The following RASSF2 variants were observed in gnomAD, a reference collection of about 807,000 sequenced individuals.
RASSF2 encodes Ras association domain family member 2.
RASSF2 carries 34 observed loss-of-function variants against 46.3 expected under a neutral mutation model. The observed-to-expected ratio is 0.73, with a 90% CI of 0.56 to 0.98. The LOEUF (loss-of-function observed/expected upper bound fraction) is 0.98. Among genes scored for constraint, RASSF2 ranks in the 50% least tolerant of loss-of-function variants. The pLI is 0.00. For missense variants in RASSF2, 364 were observed against 431.2 expected (o/e 0.84, Z 1.38); for synonymous variants, 158 against 162.5 (o/e 0.97, Z 0.21).
At chr20:4,815,015 G>A (rs949335954) in intron 2 of RASSF2, 1 of 152,242 alleles carries the variant, frequency 6.6e-6, no homozygotes, top group Non-Finnish European at 1.5e-5. Flanking sequence ...CACTGGGCAG[G>A]GCCAGGTGAA....
Position 4,788,203 on chromosome 20 carries a change from G to A in RASSF2, c.691+14C>T, listed in dbSNP as rs563520901. ...ATTAGAAGTTTTAAAGTACACTGTG[G>A]TCTTCAGACTTACCACCACTCGTAT... On this transcript the variant is annotated intron_variant, in intron 9 of 11. Transcript: ENST00000379400. 2 of 1,569,650 alleles carry A rather than the reference G, an allele frequency of 1.3e-6. No homozygotes were observed. The highest frequency in any genetic ancestry group is 2.7e-5 in the African/African-American group (2 of 74,014).
At position 4,780,821 on chromosome 20, in the gene RASSF2, T is replaced by C. The variant is rs1338318100; in HGVS notation, c.*3452A>G. Reference sequence around the variant, plus strand: ...CTCTACTAAAACCACACAAAAAAATTAGCCGGGCGTGGTGGCGGGTCCCTG... The same window carrying C: ...CTCTACTAAAACCACACAAAAAAATCAGCCGGGCGTGGTGGCGGGTCCCTG... On this transcript the variant is annotated 3_prime_UTR_variant, in exon 12 of 12. Transcript: ENST00000379400. 1 of 152,024 alleles carries C rather than the reference T, an allele frequency of 6.6e-6. No individual in the cohort carries two copies. The highest frequency in any genetic ancestry group is 2.1e-4 in the South Asian group (1 of 4,814). The allele number at this position is 152,024 out of a possible 1,614,324, so 9.4% of individuals were successfully genotyped here.
chr20:4,798,282 A>G (rs749636423), intron 3 of RASSF2, among the ~76,000 whole-genome samples, 197 bp from the exon 4 acceptor site: 3 of 152,150 alleles, frequency 2.0e-5, no homozygotes, highest in Non-Finnish European at 4.4e-5. Context: ...CCCCAGGATC[A>G]AAGTCAAGAG....
chr20:4,785,242 G>A (rs1925220069), intron 11 of RASSF2, among the ~76,000 whole-genome samples: 1 of 151,964 alleles, frequency 6.6e-6, no homozygotes, highest in South Asian at 2.1e-4. Flanking sequence ...GGGAGGCTGA[G>A]ACGGGAGAAT....
At position 4,800,129 on chromosome 20, in the gene RASSF2, T is replaced by C. The variant is rs577568763; in HGVS notation, c.59+843A>G. On this transcript the variant is annotated intron_variant, in intron 3 of 11. Coordinates refer to ENST00000379400, the MANE Select transcript of RASSF2 (RefSeq NM_014737.3). ...TCCTTCTAAAAAAAAAAAAAAGAGA[T>C]AGAGAAATCTTATGCTGGAACTTCC... Among the ~76,000 whole-genome samples, 6 of 149,194 alleles carry C rather than the reference T, an allele frequency of 4.0e-5. No homozygotes were observed. In the South Asian group the frequency reaches 1.3e-3, roughly 31 times the overall value.
At position 4,812,426 on chromosome 20, in the gene RASSF2, G is replaced by A. The variant is rs548398455; in HGVS notation, c.-33+9903C>T. Reference sequence around the variant, plus strand: ...TGAGGCTCAAATCCAGGGCGGTGCAGGTGCCAAGCGGAACCCCTGTAGACT... The same window carrying A: ...TGAGGCTCAAATCCAGGGCGGTGCAAGTGCCAAGCGGAACCCCTGTAGACT... On this transcript the variant is annotated intron_variant, in intron 2 of 11. Coordinates refer to ENST00000379400, the MANE Select transcript of RASSF2 (RefSeq NM_014737.3). The surrounding 1 kb of genome is among the most constrained non-coding windows in gnomAD (Gnocchi z 4.0). Among the ~76,000 whole-genome samples, 2 of 152,224 alleles carry A rather than the reference G, an allele frequency of 1.3e-5. No homozygotes were observed. The highest frequency in any genetic ancestry group is 4.8e-5 in the African/African-American group (2 of 41,456).
intron 9 of RASSF2, 127 bp downstream of exon 9, chr20:4,788,090 T>C (rs1925526650): frequency 2.1e-6 from 2 of 957,558 alleles, no homozygotes. Context: ...CCATCAGCCT[T>C]GAAGGCAAAC....
chr20:4,788,075 C>A (rs2122437703), intron 9 of RASSF2, 142 bp downstream of exon 9: 1 of 811,678 alleles, frequency 1.2e-6, no homozygotes. Context: ...ACTCATACAG[C>A]AAGCCCATCA....
intron 2 of RASSF2, among the ~76,000 whole-genome samples, chr20:4,821,444 C>G (rs576555155): frequency 6.6e-6 from 1 of 152,090 alleles, no homozygotes; most frequent in African/African-American, 2.4e-5. Context: ...GAGGAAGGCA[C>G]GAAAAGGGAC....
chr20:4,792,157 G>A (rs1409819152), intron 6 of RASSF2, among the ~76,000 whole-genome samples: 3 of 151,588 alleles, frequency 2.0e-5, no homozygotes, highest in South Asian at 2.1e-4. Context: ...AGGCAGAGGT[G>A]GGAGGATCAC....
At position 4,807,153 on chromosome 20, in the gene RASSF2, A is replaced by C. The variant is rs997205259; in HGVS notation, c.-32-6091T>G. On this transcript the variant is annotated intron_variant, in intron 2 of 11. Coordinates refer to ENST00000379400, the MANE Select transcript of RASSF2 (RefSeq NM_014737.3). Reference sequence around the variant, plus strand: ...TAAATAGCAGGGGAAAGGTAGCTTAATTTTTTAAAATATCACTAGAGAATT... The same window carrying C: ...TAAATAGCAGGGGAAAGGTAGCTTACTTTTTTAAAATATCACTAGAGAATT... Among the ~76,000 whole-genome samples the C allele has an allele frequency of 3.9e-5, 6 of 152,194 alleles. No individual in the cohort carries two copies. The East Asian group carries it at 1.2e-3, about 29-fold the overall frequency.
intron 11 of RASSF2, among the ~76,000 whole-genome samples, chr20:4,785,285 G>T (rs1222900210): frequency 2.0e-5 from 3 of 152,072 alleles, no homozygotes; most frequent in African/African-American, 7.2e-5. Flanking sequence ...GTTGCAGTGA[G>T]CCGAGATCGC....
chr20:4,818,738 C>T (rs573866516), intron 2 of RASSF2, among the ~76,000 whole-genome samples: 168 of 152,300 alleles, frequency 1.1e-3, no homozygotes, highest in African/African-American at 3.5e-3. Flanking sequence ...CCTCACCTAA[C>T]CTAAGAGCAG....
intron 3 of RASSF2, among the ~76,000 whole-genome samples, chr20:4,799,933 G>A (rs1926717759): frequency 6.6e-6 from 1 of 152,084 alleles, no homozygotes; most frequent in Non-Finnish European, 1.5e-5. Context: ...CCAACATGGT[G>A]AAAGCCCACC....
At chr20:4,801,140 G>A in intron 2 of RASSF2, 78 bp from the exon 3 acceptor site, 1 of 1,162,548 alleles carries the variant, frequency 8.6e-7, no homozygotes, top group South Asian at 1.3e-5. Flanking sequence ...GGTGGGGAGG[G>A]GGCACAAAAT....
chr20:4,803,485 G>A (rs1927064424), intron 2 of RASSF2, among the ~76,000 whole-genome samples: 1 of 152,180 alleles, frequency 6.6e-6, no homozygotes, highest in Non-Finnish European at 1.5e-5. Flanking sequence ...CAGGCATGGT[G>A]GTTCATGCCC....
chr20:4,791,293 G>C (rs770201895), intron 6 of RASSF2, among the ~76,000 whole-genome samples: 18 of 152,128 alleles, frequency 1.2e-4, no homozygotes, highest in Non-Finnish European at 2.6e-4. Flanking sequence ...AATGGGTACA[G>C]AGTTTCAGTT....
chr20:4,788,141 A>G, intron 9 of RASSF2, 76 bp downstream of exon 9: 6 of 1,317,806 alleles, frequency 4.6e-6, no homozygotes, highest in South Asian at 3.6e-5. Context: ...CAAGCAAAGG[A>G]GGCAGAGGTA....
In RASSF2 at chr20:4,790,795, T is replaced by A. The variant is rs1231500547; in HGVS notation, c.377-184A>T. ...ACAGAGAACCTATACAAGGAAAAGT[T>A]CAGAGAACAGACTTCAGAGCCGGAC... On this transcript the variant is annotated intron_variant, in intron 6 of 11. Coordinates refer to ENST00000379400, the MANE Select transcript of RASSF2 (RefSeq NM_014737.3). This position sits in a 1 kb window ranked among gnomAD's most constrained non-coding sequence, Gnocchi z 4.3. Among the ~76,000 whole-genome samples, 1 of 152,204 alleles carries A rather than the reference T, an allele frequency of 6.6e-6. No individual in the cohort carries two copies. Among genetic ancestry groups the A allele is most frequent in the Non-Finnish European group, 1.5e-5 (1 of 68,050 alleles).
Sources: gnomAD v4.1 joint callset for allele counts (sites outside exome capture counted in the v4.1 genomes callset) on GRCh38, gnomAD v4.1.1 for gene constraint, Gnocchi (gnomAD v3.1) non-coding constraint, MANE v1.5 for transcripts, NCBI Gene and HGNC (gene_info 2026-07-23, HGNC 2026-07-21) for gene names.